PLG: variants seen among roughly 807,000 people sequenced by gnomAD.
The protein encoded by PLG is plasminogen.
A neutral mutation model predicts 104.4 loss-of-function variants in PLG; 41 were observed. The observed-to-expected ratio is 0.39, with a 90% CI of 0.31 to 0.51. The LOEUF (loss-of-function observed/expected upper bound fraction) is 0.51, where lower values mean the gene tolerates loss of function less well. PLG is among the 20% of genes least tolerant of loss of function. The pLI, the probability that PLG is intolerant of heterozygous loss-of-function variation, is 0.76. For synonymous variants in PLG, 337 were observed against 357.1 expected (o/e 0.94, Z 0.63); for missense variants, 891 against 1,003.6 (o/e 0.89, Z 1.52).
chr6:160,731,019 T>G lies in PLG; in HGVS notation c.1257-32T>G, dbSNP rs1174148722. The G allele has an allele frequency of 1.9e-6, 3 of 1,608,714 alleles. No homozygotes were observed. The highest frequency in any genetic ancestry group is 2.6e-6 in the Non-Finnish European group (3 of 1,175,294). ...GGGTGCCCCTGAATATTCTCCCACC[T>G]CTTGTGACCTGTATTGTTTTGGAAT... On this transcript the variant is annotated intron_variant, in intron 10 of 18. Transcript: ENST00000308192. The surrounding 1 kb of genome is among the most constrained non-coding windows in gnomAD (Gnocchi z 5.1).
intron 1 of PLG, chr6:160,706,131 C>T (rs1777517308): frequency 3.1e-5 from 15 of 478,498 alleles, no homozygotes; most frequent in South Asian, 2.6e-4. Context: ...GAGCTAAATA[C>T]CTACTAAATA....
intron 17 of PLG, among the ~76,000 whole-genome samples, chr6:160,743,332 T>G (rs1208730656): frequency 6.6e-6 from 1 of 152,204 alleles, no homozygotes; most frequent in African/African-American, 2.4e-5. Flanking sequence ...ATCTCTGATT[T>G]CTTTGAGCAG....
chr6:160,718,484 G>C, intron 8 of PLG, 28 bp downstream of exon 8: 1 of 1,569,428 alleles, frequency 6.4e-7, no homozygotes, highest in South Asian at 1.1e-5. Flanking sequence ...TCATTCTGCT[G>C]CTATGGAATG....
intron 9 of PLG, 68 bp from the exon 10 acceptor site, chr6:160,722,340 C>A: frequency 8.7e-7 from 1 of 1,152,644 alleles, no homozygotes; most frequent in Non-Finnish European, 1.3e-6. Flanking sequence ...CTGTTTTTGT[C>A]ATAAATTGCT....
chr6:160,715,653 G>T (rs1777715278), intron 6 of PLG, among the ~76,000 whole-genome samples: 1 of 152,178 alleles, frequency 6.6e-6, no homozygotes, highest in African/African-American at 2.4e-5. Flanking sequence ...CCATACCAGG[G>T]CTTTCAAGAA....
intron 17 of PLG, among the ~76,000 whole-genome samples, chr6:160,747,573 G>T (rs1778298828): frequency 6.6e-6 from 1 of 152,176 alleles, no homozygotes; most frequent in African/African-American, 2.4e-5. Context: ...GCATTTTCAA[G>T]TGGTGTTTTT....
Position 160,731,911 on chromosome 6 carries a change from G to C in PLG, c.1587+18G>C. The C allele has an allele frequency of 6.2e-7, 1 of 1,613,296 alleles. No individual in the cohort carries two copies. Among genetic ancestry groups the C allele is most frequent in the South Asian group, 1.1e-5 (1 of 91,042 alleles). On this transcript the variant is annotated intron_variant, in intron 12 of 18. Transcript: ENST00000308192. This position sits in a 1 kb window ranked among gnomAD's most constrained non-coding sequence, Gnocchi z 5.1. The stretch of plus-strand genomic sequence containing the variant: ...AAAAAAATGTAAGCCACTTTGATTT[G>C]GACTCTTTGGCCTTTTGCTCACCAA...
rs1030921200 is a variant in PLG, at chr6:160,735,659, G to A, written c.1682-1228G>A. On this transcript the variant is annotated intron_variant, in intron 13 of 18. Transcript: ENST00000308192. This position sits in a 1 kb window ranked among gnomAD's most constrained non-coding sequence, Gnocchi z 5.4. ...CGTGCTTGAGAAAGCTAGAGCCTCT[G>A]GTGGTGAATGATTTTAATAACTATT... Among the ~76,000 whole-genome samples, 4 of 152,184 alleles carry A rather than the reference G, an allele frequency of 2.6e-5. No individual in the cohort carries two copies. Among genetic ancestry groups the A allele is most frequent in the African/African-American group, 9.7e-5 (4 of 41,440 alleles).
chr6:160,706,290 T>G lies in PLG; in HGVS notation c.50-117T>G, dbSNP rs928376301. 1.1e-4 allele frequency: 144 copies of G among 1,368,512 alleles called. No homozygotes were observed. The Admixed American group carries it at 2.5e-3, about 24-fold the overall frequency. The allele number at this position is 1,368,512 out of a possible 1,614,324, so 84.8% of individuals were successfully genotyped here. A position where few individuals can be genotyped will look rare whatever the true frequency, so the allele number is the denominator to read the frequency against. ...TCATAGCTACCCATTCTACTTCCAGTAAACAGAAAGTTTTATTTGGTTAAT... is the reference window on the plus strand; with the variant it reads ...TCATAGCTACCCATTCTACTTCCAGGAAACAGAAAGTTTTATTTGGTTAAT... On this transcript the variant is annotated intron_variant, in intron 1 of 18. Coordinates refer to ENST00000308192, the MANE Select transcript of PLG (RefSeq NM_000301.5).
At chr6:160,711,881 A>G in intron 4 of PLG, 1 of 1,382,348 alleles carries the variant, frequency 7.2e-7, no homozygotes, top group Non-Finnish European at 9.4e-7. Context: ...AAGATACGTG[A>G]AATTCAAATG....
intron 17 of PLG, among the ~76,000 whole-genome samples, chr6:160,751,374 C>G (rs1440513460): frequency 6.6e-6 from 1 of 152,132 alleles, no homozygotes; most frequent in African/African-American, 2.4e-5. Context: ...AACAGTAGAA[C>G]AGAAATGATA....
At chr6:160,743,034 A>C in intron 17 of PLG, among the ~76,000 whole-genome samples, 1 of 138,220 alleles carries the variant, frequency 7.2e-6, no homozygotes, top group African/African-American at 2.7e-5. Context: ...TTTTTTTACC[A>C]GTACCATGCT....
rs1050541171 is a variant in PLG at position 160,744,313 on chromosome 6, A to G, written c.2125+2896A>G. ...CTGGGCTTTTGTTGGTTAGTAGGCT[A>G]TTTATTACTGATTCAATTTTGGAGC... On this transcript the variant is annotated intron_variant, in intron 17 of 18. Coordinates refer to ENST00000308192, the MANE Select transcript of PLG (RefSeq NM_000301.5). This position sits in a 1 kb window ranked among gnomAD's most constrained non-coding sequence, Gnocchi z 4.5. Among the ~76,000 whole-genome samples the G allele has an allele frequency of 2.6e-5, 4 of 152,040 alleles. No homozygotes were observed. The highest frequency in any genetic ancestry group is 9.7e-5 in the African/African-American group (4 of 41,420).
intron 5 of PLG, chr6:160,713,375 T>C (rs1777678547): frequency 4.7e-6 from 2 of 425,602 alleles, no homozygotes. Flanking sequence ...GTTCAAGAGA[T>C]TCTGCTACCT....
chr6:160,731,376 G>A lies in PLG; in HGVS notation c.1438+144G>A. On this transcript the variant is annotated intron_variant, in intron 11 of 18. Coordinates refer to ENST00000308192, the MANE Select transcript of PLG (RefSeq NM_000301.5). This position sits in a 1 kb window ranked among gnomAD's most constrained non-coding sequence, Gnocchi z 5.1. Reference sequence around the variant, plus strand: ...CTGCCATGTGGAAGGAAGCCTCAGTGCACTCTCTCAAGGAGGCAGAGGTGT... The same window carrying A: ...CTGCCATGTGGAAGGAAGCCTCAGTACACTCTCTCAAGGAGGCAGAGGTGT... The A allele has an allele frequency of 1.2e-6, 1 of 804,312 alleles. No individual in the cohort carries two copies. Among genetic ancestry groups the A allele is most frequent in the African/African-American group, 1.7e-5 (1 of 59,118 alleles). 49.8% of individuals were successfully genotyped at this position (804,312 alleles called of 1,614,324 possible). A position where few individuals can be genotyped will look rare whatever the true frequency, so the allele number is the denominator to read the frequency against.
intron 10 of PLG, chr6:160,730,640 A>G (rs1777984500): frequency 4.6e-6 from 1 of 216,200 alleles, no homozygotes; most frequent in African/African-American, 2.3e-5. Flanking sequence ...ATACAGTCCT[A>G]TAGAGAGAAA....
chr6:160,718,594 A>T, intron 8 of PLG, 99 bp from the exon 9 acceptor site: 1 of 1,417,512 alleles, frequency 7.1e-7, no homozygotes, highest in Non-Finnish European at 1.0e-6. Context: ...AAGGAAATGA[A>T]CTTTAGCACG....
intron 10 of PLG, among the ~76,000 whole-genome samples, chr6:160,728,785 C>T (rs371027408): frequency 1.3e-5 from 2 of 152,006 alleles, no homozygotes; most frequent in South Asian, 4.1e-4. Flanking sequence ...AGAGCTAAAA[C>T]TTAAGCTGAA....
rs1277598032 is a variant in PLG, at chr6:160,739,504, A to G, written c.2018+296A>G. 6.6e-6 allele frequency among the ~76,000 whole-genome samples: 1 copy of G among 152,226 alleles called. No individual in the cohort carries two copies. On this transcript the variant is annotated intron_variant, in intron 16 of 18. Coordinates refer to ENST00000308192, the MANE Select transcript of PLG (RefSeq NM_000301.5). The surrounding 1 kb of genome is among the most constrained non-coding windows in gnomAD (Gnocchi z 4.4). ...CCAGTTCATACACATTCATGATCAG[A>G]GAACGATTCAGTTATTCCAGGCTGA...
Sources: allele counts gnomAD v4.1 joint callset (sites outside exome capture counted in the v4.1 genomes callset), GRCh38; gene constraint gnomAD v4.1.1; non-coding constraint Gnocchi (gnomAD v3.1); transcripts MANE v1.5; gene names NCBI Gene and HGNC (gene_info 2026-07-23, HGNC 2026-07-21).